Variants in BLTP3B observed in about 807,000 individuals in gnomAD.
BLTP3B encodes bridge-like lipid transfer protein family member 3B, also known as UHRF1 (ICBP90) binding protein 1-like.
chr12:100,075,123 T>G, the BLTP3B span, among the ~76,000 whole-genome samples: 1 of 151,980 alleles, frequency 6.6e-6, no homozygotes, highest in African/African-American at 2.4e-5. Flanking sequence ...GCAATTCTCC[T>G]GCCTCAGCCT....
the BLTP3B span, among the ~76,000 whole-genome samples, chr12:100,104,526 CT>C: frequency 0.21 from 31,487 of 146,476 alleles, 4,439 homozygotes; most frequent in African/African-American, 0.41. Flanking sequence ...TTTTAAGTAT[CT>C]TTTTTTTTTT....
At chr12:100,077,916 G>A in the BLTP3B span, among the ~76,000 whole-genome samples, 1 of 152,080 alleles carries the variant, frequency 6.6e-6, no homozygotes, top group Non-Finnish European at 1.5e-5. Flanking sequence ...AGTATATATA[G>A]TATACTGTAG....
the BLTP3B span, among the ~76,000 whole-genome samples, chr12:100,141,794 G>A: frequency 2.0e-5 from 3 of 152,096 alleles, no homozygotes; most frequent in Admixed American, 6.5e-5. Context: ...GTAACAAACT[G>A]CCAGCCTTAC....
chr12:100,047,367 A>G, the BLTP3B span, among the ~76,000 whole-genome samples: 2 of 152,078 alleles, frequency 1.3e-5, no homozygotes, highest in Non-Finnish European at 2.9e-5. Flanking sequence ...GCGTGTTGAC[A>G]GGCACCTGTA....
the BLTP3B span, among the ~76,000 whole-genome samples, chr12:100,115,123 C>T: frequency 3.9e-5 from 6 of 152,122 alleles, no homozygotes; most frequent in South Asian, 2.1e-4. Context: ...AAATAGTGAT[C>T]GGCCAGGCGC....
the BLTP3B span, among the ~76,000 whole-genome samples, chr12:100,093,253 G>A: frequency 6.6e-6 from 1 of 152,104 alleles, no homozygotes; most frequent in East Asian, 1.9e-4. Context: ...ATAATACAGA[G>A]TTTACCTTCA....
the BLTP3B span, among the ~76,000 whole-genome samples, chr12:100,121,316 T>C: frequency 0.022 from 3,157 of 144,640 alleles, 40 homozygotes; most frequent in African/African-American, 0.034. Flanking sequence ...TGCCACTGCA[T>C]TCCAGCCTGG....
At chr12:100,061,391 C>T in the BLTP3B span, among the ~76,000 whole-genome samples, 883 of 152,306 alleles carry the variant, frequency 5.8e-3, 9 homozygotes, top group African/African-American at 0.02. Flanking sequence ...GGCGCGGTGG[C>T]TCACGCCTGT....
chr12:100,128,783 G>A, the BLTP3B span: 2 of 1,210,950 alleles, frequency 1.7e-6, no homozygotes, highest in Non-Finnish European at 2.1e-6. Flanking sequence ...GGAAGGAAGA[G>A]GAAAGGAATG....
At chr12:100,048,370 A>G in the BLTP3B span, among the ~76,000 whole-genome samples, 1 of 152,152 alleles carries the variant, frequency 6.6e-6, no homozygotes, top group Admixed American at 6.6e-5. Flanking sequence ...TTTTATGGCA[A>G]CTTTCTACTA....
At chr12:100,104,025 GTTATA>G in the BLTP3B span, 1 of 1,134,692 alleles carries the variant, frequency 8.8e-7, no homozygotes, top group Non-Finnish European at 1.3e-6. Context: ...CAATACAGGT[GTTATA>G]TTAATATAGG....
At chr12:100,096,896 A>G in the BLTP3B span, among the ~76,000 whole-genome samples, 1 of 152,156 alleles carries the variant, frequency 6.6e-6, no homozygotes, top group South Asian at 2.1e-4. Context: ...TCTGAGCAAT[A>G]TAATAAGACC....
At chr12:100,047,166 C>A in the BLTP3B span, among the ~76,000 whole-genome samples, 1 of 152,120 alleles carries the variant, frequency 6.6e-6, no homozygotes, top group Non-Finnish European at 1.5e-5. Flanking sequence ...AGTAGGTAAA[C>A]AATTTAACTT....
At chr12:100,072,486 G>A in the BLTP3B span, among the ~76,000 whole-genome samples, 4 of 152,034 alleles carry the variant, frequency 2.6e-5, no homozygotes, top group Non-Finnish European at 5.9e-5. Flanking sequence ...GCAGGAGTAT[G>A]GCTTGAGCCT....
the BLTP3B span, chr12:100,095,649 G>A: frequency 1.3e-5 from 20 of 1,577,818 alleles, no homozygotes; most frequent in East Asian, 1.4e-4. Flanking sequence ...TATTTTTCCT[G>A]TTAACTTTAT....
At chr12:100,118,882 C>A in the BLTP3B span, among the ~76,000 whole-genome samples, 1 of 152,104 alleles carries the variant, frequency 6.6e-6, no homozygotes, top group Non-Finnish European at 1.5e-5. Flanking sequence ...GCGAGCAGAT[C>A]ACAACGTCAG....
the BLTP3B span, among the ~76,000 whole-genome samples, chr12:100,103,447 T>C: frequency 6.6e-6 from 1 of 151,898 alleles, no homozygotes; most frequent in Non-Finnish European, 1.5e-5. Context: ...GCATTTATTA[T>C]TATCTGAAAC....
chr12:100,071,308 C>A, the BLTP3B span, among the ~76,000 whole-genome samples: 2 of 151,798 alleles, frequency 1.3e-5, no homozygotes, highest in African/African-American at 4.8e-5. Context: ...ACCAGCCTGG[C>A]CAACATGACA....
chr12:100,058,488 T>C, the BLTP3B span: 1 of 1,613,378 alleles, frequency 6.2e-7, no homozygotes, highest in Non-Finnish European at 8.5e-7. Context: ...AGATCTGTTG[T>C]CTGACATATG....
Sources: allele counts gnomAD v4.1 joint callset (sites outside exome capture counted in the v4.1 genomes callset), GRCh38; gene constraint gnomAD v4.1.1; transcripts MANE v1.5; gene names NCBI Gene and HGNC (gene_info 2026-07-23, HGNC 2026-07-21).